ASTN2: variants seen among roughly 807,000 people sequenced by gnomAD.
ASTN2 encodes astrotactin 2, also known as astrotactin-2.
A neutral mutation model predicts 139.8 loss-of-function variants in ASTN2; 54 were observed. The observed-to-expected ratio is 0.39, with a 90% confidence interval of 0.31 to 0.48. The LOEUF (loss-of-function observed/expected upper bound fraction) is 0.48, where lower values mean the gene tolerates loss of function less well. Ranked by LOEUF, ASTN2 falls within the 20% of genes least tolerant of loss-of-function variation. The probability of loss-of-function intolerance (pLI) is 0.95; values close to 1 mark genes in which losing one functional copy is unlikely to be tolerated. For synonymous variants in ASTN2, 756 were observed against 719.5 expected (o/e 1.05, Z -0.81); for missense variants, 1,565 against 1,725.1 (o/e 0.91, Z 1.64).
At chr9:116,618,570 T>C in intron 18 of ASTN2, 98 bp from the exon 19 acceptor site, 1 of 1,372,930 alleles carries the variant, frequency 7.3e-7, no homozygotes, top group Admixed American at 2.9e-5. Flanking sequence ...GGTTTCAGTC[T>C]GAATTTAAAT....
chr9:117,016,713 TTA>T (rs1169168304), intron 6 of ASTN2, among the ~76,000 whole-genome samples: 27 of 141,672 alleles, frequency 1.9e-4, no homozygotes, highest in African/African-American at 7.1e-4. Flanking sequence ...TATATATAGG[TTA>T]TATATATATG....
intron 10 of ASTN2, among the ~76,000 whole-genome samples, chr9:116,897,760 C>T (rs1213593017): frequency 6.6e-6 from 1 of 151,472 alleles, no homozygotes; most frequent in African/African-American, 2.4e-5. Flanking sequence ...TAGTCTGACA[C>T]CATTTAAAAA....
At chr9:117,074,238 C>T (rs1828214651) in intron 5 of ASTN2, among the ~76,000 whole-genome samples, 1 of 152,136 alleles carries the variant, frequency 6.6e-6, no homozygotes, top group South Asian at 2.1e-4. Flanking sequence ...CCCCATGTTG[C>T]CCGTTCTCTA....
At chr9:117,272,353 A>G (rs1159373236) in intron 2 of ASTN2, among the ~76,000 whole-genome samples, 1 of 151,946 alleles carries the variant, frequency 6.6e-6, no homozygotes, top group East Asian at 1.9e-4. Flanking sequence ...CCCACAAACC[A>G]CTGTTTCCTC....
At chr9:117,268,734 G>A (rs1045836203) in intron 2 of ASTN2, among the ~76,000 whole-genome samples, 2 of 152,146 alleles carry the variant, frequency 1.3e-5, no homozygotes, top group African/African-American at 4.8e-5. Flanking sequence ...TGACAGATCG[G>A]GGTTTGAAAT....
At chr9:117,319,369 T>C (rs1330751098) in intron 1 of ASTN2, among the ~76,000 whole-genome samples, 1 of 152,208 alleles carries the variant, frequency 6.6e-6, no homozygotes, top group Non-Finnish European at 1.5e-5. Flanking sequence ...GTCATTTTAC[T>C]TGACTCAACT....
intron 5 of ASTN2, among the ~76,000 whole-genome samples, chr9:117,058,487 C>G (rs890977756): frequency 2.0e-5 from 3 of 152,096 alleles, no homozygotes; most frequent in Non-Finnish European, 4.4e-5. Context: ...GTTACTATGC[C>G]CATTTTACAG....
At chr9:117,202,268 A>G (rs376597952) in intron 3 of ASTN2, among the ~76,000 whole-genome samples, 1 of 152,066 alleles carries the variant, frequency 6.6e-6, no homozygotes, top group African/African-American at 2.4e-5. Context: ...AATATAGTAC[A>G]CTGATGGGTC....
chr9:116,905,393 C>A (rs1000559979), intron 10 of ASTN2, among the ~76,000 whole-genome samples: 3 of 152,252 alleles, frequency 2.0e-5, no homozygotes. Flanking sequence ...AAGAAAGCAG[C>A]GTGTCCTGAA....
chr9:116,735,680 G>A (rs1828908771), intron 13 of ASTN2, among the ~76,000 whole-genome samples: 2 of 152,208 alleles, frequency 1.3e-5, no homozygotes, highest in Non-Finnish European at 1.5e-5. Flanking sequence ...CATGTGCTGG[G>A]TGCTGCTGCA....
chr9:117,149,606 G>C (rs1445684546), intron 3 of ASTN2, among the ~76,000 whole-genome samples: 2 of 151,948 alleles, frequency 1.3e-5, no homozygotes, highest in African/African-American at 2.4e-5. Context: ...ACCTAAGCTG[G>C]GAAGACCCAA....
intron 1 of ASTN2, among the ~76,000 whole-genome samples, chr9:117,311,370 GCCC>G (rs1255499898): frequency 1.3e-5 from 2 of 152,102 alleles, no homozygotes; most frequent in Non-Finnish European, 1.5e-5. Flanking sequence ...GATTTTCAGA[GCCC>G]TGTTTCCCAC....
intron 13 of ASTN2, among the ~76,000 whole-genome samples, chr9:116,752,855 C>T (rs962490184): frequency 1.3e-5 from 2 of 150,696 alleles, no homozygotes; most frequent in African/African-American, 4.8e-5. Flanking sequence ...AAATCCAAAA[C>T]ATTAACAACA....
intron 11 of ASTN2, among the ~76,000 whole-genome samples, chr9:116,827,147 T>G (rs1403873972): frequency 2.0e-5 from 3 of 151,434 alleles, no homozygotes; most frequent in Non-Finnish European, 4.4e-5. Flanking sequence ...CCGTCTCTAT[T>G]AAAAATACAA....
chr9:116,544,888 T>C (rs1852026366), intron 19 of ASTN2, among the ~76,000 whole-genome samples: 1 of 152,206 alleles, frequency 6.6e-6, no homozygotes, highest in Non-Finnish European at 1.5e-5. Flanking sequence ...GATTCCCCCT[T>C]ATTCCCAGCT....
chr9:117,011,168 A>C (rs1275576827), intron 6 of ASTN2, among the ~76,000 whole-genome samples: 1 of 152,226 alleles, frequency 6.6e-6, no homozygotes, highest in Non-Finnish European at 1.5e-5. Context: ...ACCAGTAAAC[A>C]GATTTCTCTC....
intron 4 of ASTN2, among the ~76,000 whole-genome samples, chr9:117,127,325 G>A (rs73657666): frequency 0.012 from 1,816 of 152,288 alleles, 41 homozygotes; most frequent in Middle Eastern, 0.075. Flanking sequence ...AGCGTTTCTC[G>A]GCTAACACCC....
intron 1 of ASTN2, among the ~76,000 whole-genome samples, chr9:117,388,050 C>G (rs1275965773): frequency 5.9e-5 from 9 of 152,148 alleles, no homozygotes; most frequent in Admixed American, 5.2e-4. Flanking sequence ...CTTCACCCTT[C>G]CCTCAGCCAG....
rs1461738241 is a variant in ASTN2 at position 117,269,018 on chromosome 9, A to G, written c.630+22308T>C. Among the ~76,000 whole-genome samples the G allele has an allele frequency of 3.9e-5, 6 of 152,370 alleles. No individual in the cohort carries two copies. The East Asian group carries it at 9.6e-4, about 24-fold the overall frequency. ...GCTGTGGTGAATTAAGTAGCAGAGC[A>G]TAAGACAAGCAATCAGCACAATGCC... On this transcript the variant is annotated intron_variant, in intron 2 of 22. Coordinates refer to ENST00000313400, the MANE Select transcript of ASTN2 (RefSeq NM_001365068.1).
Sources: gnomAD v4.1 joint callset for allele counts (sites outside exome capture counted in the v4.1 genomes callset) on GRCh38, gnomAD v4.1.1 for gene constraint, MANE v1.5 for transcripts, NCBI Gene and HGNC (gene_info 2026-07-23, HGNC 2026-07-21) for gene names.